The following PLA2G4A variants were observed in gnomAD, a reference collection of about 807,000 sequenced individuals.
PLA2G4A encodes the protein phospholipase A2 group IVA, also known as cytosolic phospholipase A2.
In PLA2G4A, 40 loss-of-function variants were observed where a neutral mutation model predicts 81.9. That is an observed-to-expected ratio of 0.49 (90% CI 0.38 to 0.64). The LOEUF is 0.64. Among genes scored for constraint, PLA2G4A ranks in the 30% least tolerant of loss-of-function variants. The pLI is 0.00. For synonymous variants in PLA2G4A, 302 were observed against 296.9 expected, an observed-to-expected ratio of 1.02 and a Z score of -0.18; for missense variants, 715 against 905.1, an observed-to-expected ratio of 0.79 and a Z score of 2.69.
rs1455676533 is a variant in PLA2G4A at position 186,893,084 on chromosome 1, CAAT to C, written c.193_195del (p.Asn65del). ...ACAGCAGGAAGAGAACAAGACATTT[CAAT>C]AATGACATAAACCCTGTGTGGAATG... On this transcript the variant is annotated inframe_deletion, in exon 4 of 18. Transcript: ENST00000367466. 1 of 1,609,284 alleles carries C rather than the reference CAAT, an allele frequency of 6.2e-7. No individual in the cohort carries two copies. The highest frequency in any genetic ancestry group is 8.5e-7 in the Non-Finnish European group (1 of 1,175,708).
chr1:186,980,261 T>A (rs1657678852), intron 17 of PLA2G4A, among the ~76,000 whole-genome samples: 1 of 152,116 alleles, frequency 6.6e-6, no homozygotes, highest in Non-Finnish European at 1.5e-5. Flanking sequence ...TTTTAGCCTT[T>A]GAGATGTCAA....
intron 3 of PLA2G4A, among the ~76,000 whole-genome samples, chr1:186,881,640 T>A (rs568984346): frequency 3.8e-4 from 58 of 152,230 alleles, no homozygotes; most frequent in African/African-American, 1.3e-3. Flanking sequence ...CAGGTTTTTT[T>A]AATATAAAAT....
At chr1:186,890,672 G>T (rs1014834331) in intron 3 of PLA2G4A, among the ~76,000 whole-genome samples, 1 of 151,820 alleles carries the variant, frequency 6.6e-6, no homozygotes, top group Non-Finnish European at 1.5e-5. Context: ...TGGCCAACAT[G>T]GTGTAACCCT....
intron 10 of PLA2G4A, among the ~76,000 whole-genome samples, 180 bp from the exon 11 acceptor site, chr1:186,946,457 T>TC (rs1356048953): frequency 2.0e-5 from 3 of 151,730 alleles, no homozygotes; most frequent in African/African-American, 7.3e-5. Context: ...CTAAGCGTTT[T>TC]TCCCCCAACT....
intron 15 of PLA2G4A, among the ~76,000 whole-genome samples, chr1:186,968,617 T>C (rs1231682647): frequency 6.6e-6 from 1 of 151,874 alleles, no homozygotes; most frequent in Admixed American, 6.6e-5. Context: ...TATCTCTGTA[T>C]ACAGATACGT....
chr1:186,987,034 A>G (rs777964729), intron 17 of PLA2G4A, among the ~76,000 whole-genome samples: 19 of 152,258 alleles, frequency 1.2e-4, no homozygotes, highest in Admixed American at 7.2e-4. Context: ...AAAGAACCAC[A>G]TTCCTGTGAT....
chr1:186,864,907 G>A (rs10752977), intron 2 of PLA2G4A, among the ~76,000 whole-genome samples: 125,736 of 150,074 alleles, frequency 0.84, 52,794 homozygotes, highest in African/African-American at 0.88. Flanking sequence ...AGCCTGGCAA[G>A]CAAGGCAAAA....
At position 186,950,676 on chromosome 1, in the gene PLA2G4A, T is replaced by C. The variant is rs1656525057; in HGVS notation, c.1284T>C (p.His428=). The C allele has an allele frequency of 6.3e-7, 1 of 1,591,042 alleles. No homozygotes were observed. Among genetic ancestry groups the C allele is most frequent in the Non-Finnish European group, 8.6e-7 (1 of 1,159,328 alleles). The change falls in exon 13 of 18, where the codon CAT becomes CAC. Residue 428 remains histidine (H), a synonymous_variant. Transcript: ENST00000367466. Reference sequence around the variant, plus strand: ...TCACAGAAAATATTACCACAAAGCATATTGTGAGTAATGATAGCTCGGACA... The same window carrying C: ...TCACAGAAAATATTACCACAAAGCACATTGTGAGTAATGATAGCTCGGACA... The part of the protein sequence containing the change: ...EEELENITTK[H]IVSNDSSDSD...
At chr1:186,833,624 A>C (rs528219855) in intron 1 of PLA2G4A, among the ~76,000 whole-genome samples, 1 of 152,152 alleles carries the variant, frequency 6.6e-6, no homozygotes, top group African/African-American at 2.4e-5. Context: ...CCTGTTAATA[A>C]AGGATGCATT....
intron 8 of PLA2G4A, among the ~76,000 whole-genome samples, chr1:186,935,146 T>C (rs1430148329): frequency 6.6e-6 from 1 of 151,998 alleles, no homozygotes; most frequent in Non-Finnish European, 1.5e-5. Context: ...GGTGTTTTAA[T>C]AATGTTGAAA....
At chr1:186,965,637 T>G in intron 15 of PLA2G4A, 44 bp downstream of exon 15, 14 of 1,350,712 alleles carry the variant, frequency 1.0e-5, no homozygotes, top group Non-Finnish European at 1.3e-5. Context: ...CCACATTCTC[T>G]TGCTTGCCTT....
chr1:186,897,989 G>T (rs988116138), intron 5 of PLA2G4A, among the ~76,000 whole-genome samples: 1 of 152,052 alleles, frequency 6.6e-6, no homozygotes, highest in Admixed American at 6.6e-5. Context: ...GGAGTCTCCA[G>T]TGTCTATTTT....
chr1:186,951,059 A>G, intron 13 of PLA2G4A, among the ~76,000 whole-genome samples: 1 of 152,170 alleles, frequency 6.6e-6, no homozygotes, highest in Non-Finnish European at 1.5e-5. Flanking sequence ...ATTTGGGAAC[A>G]TTTTTAGATG....
At chr1:186,891,072 GGAT>G (rs1171204607) in intron 3 of PLA2G4A, among the ~76,000 whole-genome samples, 2 of 151,680 alleles carry the variant, frequency 1.3e-5, no homozygotes, top group Admixed American at 6.6e-5. Flanking sequence ...AAAGTAAGCA[GGAT>G]GATTTTTCTA....
chr1:186,969,019 C>G (rs899517480), intron 15 of PLA2G4A, among the ~76,000 whole-genome samples: 1 of 151,778 alleles, frequency 6.6e-6, no homozygotes, highest in Non-Finnish European at 1.5e-5. Context: ...TTTTAAACTA[C>G]TTTTAATTGG....
At chr1:186,895,309 A>G (rs75931515) in intron 5 of PLA2G4A, among the ~76,000 whole-genome samples, 1,880 of 152,338 alleles carry the variant, frequency 0.012, 35 homozygotes, top group African/African-American at 0.043. Context: ...TGACTAGTCC[A>G]TGCAATCAGA....
chr1:186,917,187 G>A (rs972497713), intron 7 of PLA2G4A, among the ~76,000 whole-genome samples: 3 of 152,102 alleles, frequency 2.0e-5, no homozygotes, highest in Admixed American at 6.5e-5. Context: ...ATTCATACGC[G>A]ATCACCTGGA....
In PLA2G4A at chr1:186,834,721, A is replaced by G. The variant is rs143562372; in HGVS notation, c.-70+5686A>G. Among the ~76,000 whole-genome samples the G allele has an allele frequency of 3.9e-3, 590 of 152,320 alleles. 5 individuals carry two copies. The highest frequency in any genetic ancestry group is 0.013 in the African/African-American group (551 of 41,562). On this transcript the variant is annotated intron_variant, in intron 1 of 17. Transcript: ENST00000367466. ...ATTACATTTTATCTAAAAATACAAAATAAACACATTTCATGAGTTATGTAA... is the reference window on the plus strand; with the variant it reads ...ATTACATTTTATCTAAAAATACAAAGTAAACACATTTCATGAGTTATGTAA...
At chr1:186,872,724 T>C (rs1653327158) in intron 3 of PLA2G4A, among the ~76,000 whole-genome samples, 1 of 152,112 alleles carries the variant, frequency 6.6e-6, no homozygotes, top group African/African-American at 2.4e-5. Context: ...AAAGTAATGC[T>C]GAAAGTTTCA....
Sources: allele counts gnomAD v4.1 joint callset (sites outside exome capture counted in the v4.1 genomes callset), GRCh38; gene constraint gnomAD v4.1.1; transcripts MANE v1.5; gene names NCBI Gene and HGNC (gene_info 2026-07-23, HGNC 2026-07-21).